The following PDE5A variants were observed in gnomAD, a reference collection of about 807,000 sequenced individuals.
PDE5A encodes the protein cGMP-specific 3',5'-cyclic phosphodiesterase.
In PDE5A, 67 loss-of-function variants were observed where a neutral mutation model predicts 110.2. The observed-to-expected ratio is 0.61, with a 90% CI of 0.50 to 0.75. PDE5A has a LOEUF of 0.75. Among genes scored for constraint, PDE5A ranks in the 30% least tolerant of loss-of-function variants. PDE5A has a pLI of 0.00. For synonymous variants in PDE5A, 328 were observed against 351.2 expected (o/e 0.93, Z 0.74); for missense variants, 862 against 1,045.1 (o/e 0.82, Z 2.42).
intron 1 of PDE5A, among the ~76,000 whole-genome samples, chr4:119,611,889 C>A (rs1285777152): frequency 1.3e-5 from 2 of 152,268 alleles, no homozygotes; most frequent in South Asian, 2.1e-4. Context: ...TAAATCATTT[C>A]TCACACATCT....
In PDE5A at chr4:119,497,305, T is replaced by C. The variant is rs201870880; in HGVS notation, c.*1296A>G. ...TAGACCAGTTGCTTAATTCATTATCTACTTCTCCAATATTGAGTAAATGTG... is the reference window on the plus strand; with the variant it reads ...TAGACCAGTTGCTTAATTCATTATCCACTTCTCCAATATTGAGTAAATGTG... On this transcript the variant is annotated 3_prime_UTR_variant, in exon 21 of 21. Transcript: ENST00000354960. 32 of 152,302 alleles carry C rather than the reference T, an allele frequency of 2.1e-4. No individual in the cohort carries two copies. The highest frequency in any genetic ancestry group is 7.0e-4 in the African/African-American group (29 of 41,594). 9.4% of individuals were successfully genotyped at this position (152,302 alleles called of 1,614,324 possible). A position where few individuals can be genotyped will look rare whatever the true frequency, so the allele number is the denominator to read the frequency against.
rs531223405 is a variant in PDE5A, at chr4:119,504,905, G to A, written c.2268-306C>T. Among the ~76,000 whole-genome samples the A allele has an allele frequency of 4.6e-5, 7 of 151,958 alleles. No homozygotes were observed. In the South Asian group the frequency reaches 1.5e-3, roughly 32 times the overall value. ...AATCTTGCCTGCTTTTATTATTTTT[G>A]TCACCTTAGTATTCCATTCTCAGCG... is the stretch of plus-strand genomic sequence containing the variant. On this transcript the variant is annotated intron_variant, in intron 17 of 20. Transcript: ENST00000354960.
intron 19 of PDE5A, among the ~76,000 whole-genome samples, chr4:119,501,699 T>C (rs2110451965): frequency 6.6e-6 from 1 of 152,262 alleles, no homozygotes; most frequent in African/African-American, 2.4e-5. Flanking sequence ...AGGAAAACTC[T>C]TATGTTTTAT....
intron 3 of PDE5A, among the ~76,000 whole-genome samples, chr4:119,585,760 G>T (rs867149121): frequency 1.4e-4 from 22 of 152,118 alleles, no homozygotes; most frequent in African/African-American, 4.3e-4. Flanking sequence ...CACTGCTAAA[G>T]AACAGAACGC....
At chr4:119,529,522 G>C (rs1688819333) in intron 11 of PDE5A, among the ~76,000 whole-genome samples, 1 of 152,102 alleles carries the variant, frequency 6.6e-6, no homozygotes, top group African/African-American at 2.4e-5. Context: ...GTGACACATG[G>C]GAAACTCATT....
At chr4:119,534,248 T>G (rs1411486301) in intron 11 of PDE5A, among the ~76,000 whole-genome samples, 20 of 152,124 alleles carry the variant, frequency 1.3e-4, no homozygotes. Flanking sequence ...ACCACTGAGT[T>G]GTGGACTGGT....
chr4:119,592,203 C>A (rs189364044), intron 3 of PDE5A, among the ~76,000 whole-genome samples: 2 of 140,216 alleles, frequency 1.4e-5, no homozygotes, highest in East Asian at 4.5e-4. Context: ...TGCCTGTAAT[C>A]CCAGCATTTT....
At chr4:119,628,282 G>A (rs771395276) in intron 1 of PDE5A, among the ~76,000 whole-genome samples, 1 of 59,196 alleles carries the variant, frequency 1.7e-5, no homozygotes, top group African/African-American at 4.6e-5. Context: ...CAAGAGGGTC[G>A]GGGGTGAGGG....
chr4:119,580,254 A>T (rs1728543433), intron 3 of PDE5A, among the ~76,000 whole-genome samples: 1 of 152,216 alleles, frequency 6.6e-6, no homozygotes, highest in Admixed American at 6.5e-5. Flanking sequence ...CTTTTAAGTA[A>T]TGAGGTAAAG....
chr4:119,618,452 T>C (rs1389923416), intron 1 of PDE5A, among the ~76,000 whole-genome samples: 1 of 152,108 alleles, frequency 6.6e-6, no homozygotes, highest in Admixed American at 6.5e-5. Context: ...GAGGGCTGTT[T>C]TCATGTATTT....
chr4:119,552,157 G>C (rs2110495930), intron 9 of PDE5A: 1 of 152,510 alleles, frequency 6.6e-6, no homozygotes, highest in South Asian at 2.1e-4. Context: ...AAGAACAGTG[G>C]AGTGCTCAAT....
chr4:119,522,243 A>C (rs1204248435), intron 12 of PDE5A, among the ~76,000 whole-genome samples: 2 of 152,018 alleles, frequency 1.3e-5, no homozygotes, highest in Non-Finnish European at 2.9e-5. Context: ...TTACCCACTG[A>C]GTTGCCATAT....
chr4:119,599,906 G>A (rs943594646), intron 2 of PDE5A, among the ~76,000 whole-genome samples: 2 of 151,954 alleles, frequency 1.3e-5, no homozygotes, highest in African/African-American at 4.8e-5. Flanking sequence ...TACAAAGGAT[G>A]GCTGACCTCT....
intron 2 of PDE5A, among the ~76,000 whole-genome samples, chr4:119,604,537 T>C (rs1264460217): frequency 6.6e-6 from 1 of 152,136 alleles, no homozygotes; most frequent in Non-Finnish European, 1.5e-5. Context: ...TCTGCTACAG[T>C]GTGAAGTTAT....
intron 3 of PDE5A, among the ~76,000 whole-genome samples, chr4:119,591,692 T>C (rs1427752851): frequency 6.6e-5 from 10 of 152,352 alleles, no homozygotes; most frequent in African/African-American, 2.2e-4. Flanking sequence ...TTTTATATTA[T>C]AACAGCCACG....
At chr4:119,545,422 A>G (rs1026909053) in intron 9 of PDE5A, among the ~76,000 whole-genome samples, 10 of 152,330 alleles carry the variant, frequency 6.6e-5, no homozygotes, top group African/African-American at 2.4e-4. Flanking sequence ...TAAAAATGAA[A>G]TGTTTAATGC....
intron 15 of PDE5A, among the ~76,000 whole-genome samples, chr4:119,508,156 G>C (rs972903592): frequency 1.3e-5 from 2 of 151,778 alleles, no homozygotes; most frequent in Non-Finnish European, 2.9e-5. Flanking sequence ...ATTTTAACTT[G>C]GTCAGTTATG....
At chr4:119,623,953 CT>C (rs1730250251) in intron 1 of PDE5A, among the ~76,000 whole-genome samples, 1 of 152,168 alleles carries the variant, frequency 6.6e-6, no homozygotes, top group African/African-American at 2.4e-5. Flanking sequence ...GAATTTGAAA[CT>C]TTGAAAACAC....
At chr4:119,613,970 A>T (rs947798399) in intron 1 of PDE5A, among the ~76,000 whole-genome samples, 2 of 151,774 alleles carry the variant, frequency 1.3e-5, no homozygotes, top group Non-Finnish European at 2.9e-5. Flanking sequence ...TGAAGAAGGC[A>T]CTCCGTAACA....
Sources: gnomAD v4.1 joint callset for allele counts (sites outside exome capture counted in the v4.1 genomes callset) on GRCh38, gnomAD v4.1.1 for gene constraint, MANE v1.5 for transcripts, NCBI Gene and HGNC (gene_info 2026-07-23, HGNC 2026-07-21) for gene names.